The following ARHGAP6 variants were observed in gnomAD, a reference collection of about 807,000 sequenced individuals.
The protein encoded by ARHGAP6 is rho GTPase-activating protein 6.
A neutral mutation model predicts 55.7 loss-of-function variants in ARHGAP6; 16 were observed. The ratio of observed to expected loss-of-function variants is 0.29; its 90% confidence interval spans 0.19 to 0.44. ARHGAP6 has a LOEUF of 0.44. ARHGAP6 is among the 20% of genes least tolerant of loss of function. The probability of loss-of-function intolerance (pLI) is 1.00; values close to 1 mark genes in which losing one functional copy is unlikely to be tolerated. For missense variants in ARHGAP6, 698 were observed against 808.9 expected, an observed-to-expected ratio of 0.86 and a Z score of 1.66; for synonymous variants, 382 against 360.9, an observed-to-expected ratio of 1.06 and a Z score of -0.66.
Position 11,261,656 on chromosome X carries a change from G to T in ARHGAP6, c.589-6949C>A, listed in dbSNP as rs1271278383. On this transcript the variant is annotated intron_variant, in intron 1 of 12. Transcript: ENST00000337414. ...TGTCTCTGGATAGACTAAAGACCTT[G>T]GCAGTTGTAAAAACATCTTTCTATT... Among the ~76,000 whole-genome samples, 5 of 111,598 alleles carry T rather than the reference G, an allele frequency of 4.5e-5. No homozygotes were observed. In the Admixed American group the frequency reaches 4.8e-4, roughly 11 times the overall value.
intron 1 of ARHGAP6, among the ~76,000 whole-genome samples, chrX:11,534,800 T>A (rs774743006): frequency 8.9e-6 from 1 of 111,784 alleles, no homozygotes; most frequent in Non-Finnish European, 1.9e-5. Flanking sequence ...ACATGTAATC[T>A]ACATAAAAAT....
chrX:11,558,414 C>G (rs2051344172), intron 1 of ARHGAP6, among the ~76,000 whole-genome samples: 1 of 111,765 alleles, frequency 8.9e-6, no homozygotes, highest in Non-Finnish European at 1.9e-5. Flanking sequence ...TTCTTCTTGG[C>G]AAAGGAATGG....
At chrX:11,182,268 A>G in intron 5 of ARHGAP6, 150 bp from the exon 6 acceptor site, 2 of 371,753 alleles carry the variant, frequency 5.4e-6, no homozygotes, top group East Asian at 9.4e-5. Flanking sequence ...TTCATCTCAC[A>G]CTATTTCTAT....
chrX:11,401,234 T>C (rs1302161184), intron 1 of ARHGAP6, among the ~76,000 whole-genome samples: 1 of 111,385 alleles, frequency 9.0e-6, no homozygotes, highest in Non-Finnish European at 1.9e-5. Context: ...ACAAATTCCC[T>C]CCGACGATGC....
chrX:11,193,417 C>T (rs946696216), intron 3 of ARHGAP6, among the ~76,000 whole-genome samples: 5 of 112,669 alleles, frequency 4.4e-5, no homozygotes, highest in African/African-American at 1.6e-4. Flanking sequence ...TGTGCCAGAC[C>T]GGCACCCCGT....
At chrX:11,636,562 G>A (rs1005585266) in intron 1 of ARHGAP6, among the ~76,000 whole-genome samples, 3 of 110,931 alleles carry the variant, frequency 2.7e-5, no homozygotes, top group African/African-American at 9.8e-5. Context: ...GATGAAAAAA[G>A]GTCTCCAATG....
chrX:11,631,723 T>C (rs2052363920), intron 1 of ARHGAP6, among the ~76,000 whole-genome samples: 1 of 111,661 alleles, frequency 9.0e-6, no homozygotes, highest in African/African-American at 3.3e-5. Flanking sequence ...AGCCATCCAG[T>C]GTCTGTCACA....
At chrX:11,652,205 C>T (rs955488236) in intron 1 of ARHGAP6, among the ~76,000 whole-genome samples, 1 of 112,127 alleles carries the variant, frequency 8.9e-6, no homozygotes, top group Admixed American at 9.5e-5. Flanking sequence ...TTGCCCATGC[C>T]TATGTTCTGA....
intron 1 of ARHGAP6, chrX:11,298,244 C>G: frequency 8.3e-7 from 1 of 1,210,966 alleles, no homozygotes; most frequent in Non-Finnish European, 1.1e-6. Context: ...AGGTGCTTAC[C>G]CCTTTGAAGT....
intron 2 of ARHGAP6, among the ~76,000 whole-genome samples, chrX:11,239,117 TA>T (rs2047240939): frequency 9.0e-6 from 1 of 111,141 alleles, no homozygotes; most frequent in Admixed American, 9.6e-5. Flanking sequence ...TGTACCAAGG[TA>T]ATACATTTAT....
At chrX:11,545,035 T>G (rs1162304117) in intron 1 of ARHGAP6, among the ~76,000 whole-genome samples, 1 of 111,962 alleles carries the variant, frequency 8.9e-6, no homozygotes, top group Non-Finnish European at 1.9e-5. Context: ...CTAGACAACC[T>G]CTCAGGTTTC....
chrX:11,491,924 T>C (rs920333524), intron 1 of ARHGAP6, among the ~76,000 whole-genome samples: 2 of 107,958 alleles, frequency 1.9e-5, no homozygotes, highest in African/African-American at 3.5e-5. Context: ...TGTAAGATGG[T>C]ATCTCATTGT....
chrX:11,377,103 C>T (rs1345099018), intron 1 of ARHGAP6, among the ~76,000 whole-genome samples: 1 of 112,179 alleles, frequency 8.9e-6, no homozygotes, highest in Non-Finnish European at 1.9e-5. Context: ...TCAACTTGCA[C>T]ACTCCAAATG....
At chrX:11,271,343 T>C (rs2047690890) in intron 1 of ARHGAP6, among the ~76,000 whole-genome samples, 1 of 111,709 alleles carries the variant, frequency 9.0e-6, no homozygotes, top group South Asian at 3.8e-4. Context: ...ATTTAGGAGC[T>C]TGAAAACTCT....
At chrX:11,449,713 A>C (rs2050125867) in intron 1 of ARHGAP6, among the ~76,000 whole-genome samples, 1 of 112,463 alleles carries the variant, frequency 8.9e-6, no homozygotes, top group African/African-American at 3.2e-5. Context: ...GGGCTGGCAC[A>C]CTGCTGGAGA....
chrX:11,493,125 G>A (rs1248193714), intron 1 of ARHGAP6, among the ~76,000 whole-genome samples: 4 of 111,954 alleles, frequency 3.6e-5, no homozygotes, highest in East Asian at 2.8e-4. Flanking sequence ...ACTGAATCAC[G>A]GAGGCCTTTT....
intron 5 of ARHGAP6, among the ~76,000 whole-genome samples, chrX:11,185,909 G>T (rs916892817): frequency 2.1e-4 from 23 of 111,262 alleles, no homozygotes; most frequent in South Asian, 3.9e-4. Context: ...CAATAAAAGT[G>T]GCTCTGGTCT....
At chrX:11,534,141 G>A (rs1188143309) in intron 1 of ARHGAP6, among the ~76,000 whole-genome samples, 1 of 111,397 alleles carries the variant, frequency 9.0e-6, no homozygotes, top group Non-Finnish European at 1.9e-5. Flanking sequence ...GGGCGATAAA[G>A]CCCATAAGCT....
intron 1 of ARHGAP6, among the ~76,000 whole-genome samples, chrX:11,475,285 G>C (rs2050391914): frequency 9.0e-6 from 1 of 110,637 alleles, no homozygotes; most frequent in African/African-American, 3.3e-5. Flanking sequence ...CACACACCCA[G>C]GGTTATTTCT....
Sources: allele counts gnomAD v4.1 joint callset (sites outside exome capture counted in the v4.1 genomes callset), GRCh38; gene constraint gnomAD v4.1.1; transcripts MANE v1.5; gene names NCBI Gene and HGNC (gene_info 2026-07-23, HGNC 2026-07-21).